WDPCP: variants seen among roughly 807,000 people sequenced by gnomAD.
WDPCP encodes WD repeat containing planar cell polarity effector, also known as WD repeat-containing and planar cell polarity effector protein fritz homolog.
A neutral mutation model predicts 93.1 loss-of-function variants in WDPCP; 71 were observed. That is an observed-to-expected ratio of 0.76 (90% CI 0.63 to 0.93). The LOEUF (loss-of-function observed/expected upper bound fraction) is 0.93, where lower values mean the gene tolerates loss of function less well. Ranked by LOEUF, WDPCP falls within the 40% of genes least tolerant of loss-of-function variation. WDPCP has a pLI of 0.00. For missense variants in WDPCP, 844 were observed against 887.4 expected, an observed-to-expected ratio of 0.95 and a Z score of 0.62; for synonymous variants, 315 against 315.0, an observed-to-expected ratio of 1.00 and a Z score of 0.00.
chr2:63,769,400 T>C (rs990936927), intron 2 of WDPCP, among the ~76,000 whole-genome samples: 1 of 151,984 alleles, frequency 6.6e-6, no homozygotes, highest in Non-Finnish European at 1.5e-5. Context: ...AAAGTTTATA[T>C]GGAGTATAGT....
rs368800079 is a variant in WDPCP at position 63,587,195 on chromosome 2, T to C, written c.75+1002A>G. The stretch of plus-strand genomic sequence containing the variant: ...CTAGACACATAAATTTGAGAGTTTT[T>C]GACATTAAAAGTAGCATTTGAAGTG... On this transcript the variant is annotated intron_variant, in intron 1 of 17. Transcript: ENST00000272321. Among the ~76,000 whole-genome samples the C allele has an allele frequency of 1.2e-4, 19 of 152,292 alleles. No homozygotes were observed. In the East Asian group the frequency reaches 3.5e-3, roughly 28 times the overall value.
intron 13 of WDPCP, among the ~76,000 whole-genome samples, chr2:63,272,366 C>A (rs937600164): frequency 2.6e-5 from 4 of 152,030 alleles, no homozygotes; most frequent in Non-Finnish European, 5.9e-5. Context: ...CCTATGAAAG[C>A]CAATCTATAA....
intron 1 of WDPCP, among the ~76,000 whole-genome samples, chr2:63,583,649 C>G (rs552712500): frequency 6.6e-6 from 1 of 150,744 alleles, no homozygotes; most frequent in Admixed American, 6.6e-5. Context: ...CCACTGCACT[C>G]CAGCCTGGCG....
At chr2:63,683,604 G>C (rs1668760389) in intron 2 of WDPCP, among the ~76,000 whole-genome samples, 1 of 152,170 alleles carries the variant, frequency 6.6e-6, no homozygotes, top group Non-Finnish European at 1.5e-5. Flanking sequence ...TGTAATCCCA[G>C]CACTTCGGGA....
At chr2:63,746,720 G>T (rs1353558134) in intron 2 of WDPCP, among the ~76,000 whole-genome samples, 2 of 152,128 alleles carry the variant, frequency 1.3e-5, no homozygotes, top group Non-Finnish European at 2.9e-5. Flanking sequence ...TTCCAGCCTG[G>T]CGAATTCTAG....
chr2:63,173,253 A>G (rs1313498288), intron 15 of WDPCP, among the ~76,000 whole-genome samples: 9 of 145,882 alleles, frequency 6.2e-5, no homozygotes, highest in Admixed American at 4.2e-4. Context: ...GGGCAACTAG[A>G]GCGAAACTCT....
At chr2:63,524,982 A>G (rs1703216640) in intron 1 of WDPCP, among the ~76,000 whole-genome samples, 1 of 152,236 alleles carries the variant, frequency 6.6e-6, no homozygotes, top group Admixed American at 6.5e-5. Context: ...TAGTAAAGAC[A>G]GAGAATCAAC....
chr2:63,283,939 G>T (rs188513845), intron 13 of WDPCP, among the ~76,000 whole-genome samples: 2 of 152,236 alleles, frequency 1.3e-5, no homozygotes, highest in East Asian at 3.9e-4. Context: ...AAGCTGAGAG[G>T]ATTTATCAGT....
chr2:63,742,543 A>G (rs1669739673), intron 2 of WDPCP, among the ~76,000 whole-genome samples: 1 of 151,548 alleles, frequency 6.6e-6, no homozygotes, highest in South Asian at 2.1e-4. Flanking sequence ...AATGAGGTAG[A>G]TTGCATTAAA....
At chr2:63,610,304 A>C (rs1709600937) in intron 3 of WDPCP, among the ~76,000 whole-genome samples, 2 of 152,146 alleles carry the variant, frequency 1.3e-5, no homozygotes, top group South Asian at 4.1e-4. Context: ...ATAAACCTAA[A>C]CCTTAAGGGA....
chr2:63,785,503 A>C (rs1202904055), intron 2 of WDPCP, among the ~76,000 whole-genome samples: 1 of 152,138 alleles, frequency 6.6e-6, no homozygotes, highest in Non-Finnish European at 1.5e-5. Flanking sequence ...TTTCTGCTTT[A>C]ATATTTATAA....
intron 2 of WDPCP, among the ~76,000 whole-genome samples, chr2:63,738,068 T>G (rs937340613): frequency 2.6e-5 from 4 of 152,184 alleles, no homozygotes; most frequent in African/African-American, 9.6e-5. Flanking sequence ...AATGTCTACC[T>G]AGTTCCTAAT....
At chr2:63,526,082 C>CGTGT (rs1703320156) in intron 1 of WDPCP, among the ~76,000 whole-genome samples, 5 of 143,736 alleles carry the variant, frequency 3.5e-5, no homozygotes, top group East Asian at 2.3e-4. Context: ...TGTGTGTGTA[C>CGTGT]ACACACATAC....
chr2:63,498,186 TTTA>T (rs1430055182), intron 1 of WDPCP, among the ~76,000 whole-genome samples: 1 of 152,212 alleles, frequency 6.6e-6, no homozygotes, highest in African/African-American at 2.4e-5. Context: ...TGTAACTTCA[TTTA>T]TTTTTAAACA....
intron 3 of WDPCP, chr2:63,597,645 A>G: frequency 7.7e-7 from 1 of 1,293,922 alleles, no homozygotes; most frequent in Admixed American, 3.1e-5. Flanking sequence ...GCATTTAAGC[A>G]AAACCAAAAT....
At chr2:63,588,642 T>C, upstream of WDPCP, 1 of 484,412 alleles carries the variant, frequency 2.1e-6, no homozygotes, top group Non-Finnish European at 3.8e-6. Context: ...GGGGTGATTC[T>C]CCCCTCCCTA....
chr2:63,139,167 G>GTA (rs1491449807), intron 17 of WDPCP, among the ~76,000 whole-genome samples: 1 of 67,918 alleles, frequency 1.5e-5, no homozygotes, highest in African/African-American at 4.9e-5. Context: ...GTATATATGT[G>GTA]TATACACACA....
chr2:63,659,681 A>ACAATATAGAGTTGT (rs1488639327), intron 2 of WDPCP, among the ~76,000 whole-genome samples: 4 of 152,178 alleles, frequency 2.6e-5, no homozygotes, highest in Non-Finnish European at 5.9e-5. Flanking sequence ...GAGAGAATGC[A>ACAATATAGAGTTGT]TTTCTGTTGT....
chr2:63,546,876 A>G (rs1212462895), intron 1 of WDPCP, among the ~76,000 whole-genome samples: 1 of 152,112 alleles, frequency 6.6e-6, no homozygotes, highest in Non-Finnish European at 1.5e-5. Flanking sequence ...GACATAAAAA[A>G]CAGGGTTGGA....
Sources: gnomAD v4.1 joint callset for allele counts (sites outside exome capture counted in the v4.1 genomes callset) on GRCh38, gnomAD v4.1.1 for gene constraint, MANE v1.5 for transcripts, NCBI Gene and HGNC (gene_info 2026-07-23, HGNC 2026-07-21) for gene names.